The following PRMT1 variants were observed in gnomAD, a reference collection of about 807,000 sequenced individuals.
The protein encoded by PRMT1 is protein arginine N-methyltransferase 1.
A neutral mutation model predicts 47.4 loss-of-function variants in PRMT1; 5 were observed. The ratio of observed to expected loss-of-function variants is 0.11; its 90% CI spans 0.06 to 0.22. The LOEUF is 0.22. Ranked by LOEUF, PRMT1 falls within the 10% of genes least tolerant of loss-of-function variation. PRMT1 has a pLI of 1.00. For missense variants in PRMT1, 249 were observed against 518.4 expected (o/e 0.48, Z 5.05); for synonymous variants, 227 against 204.6 (o/e 1.11, Z -0.94).
Position 49,688,445 on chromosome 19 carries a change from G to T in PRMT1, c.*200G>T, listed in dbSNP as rs2082244675. ...CATTTACGCCAATAAATCCTCAGCTGGGGTCTGGCTTTGTTTCCTGGGGGC... is the reference window on the plus strand; with the variant it reads ...CATTTACGCCAATAAATCCTCAGCTTGGGTCTGGCTTTGTTTCCTGGGGGC... On this transcript the variant is annotated 3_prime_UTR_variant, in exon 11 of 11. Transcript: ENST00000454376. This position sits in a 1 kb window ranked among gnomAD's most constrained non-coding sequence, Gnocchi z 5.3. 1.6e-6 allele frequency: 1 copy of T among 611,418 alleles called. No homozygotes were observed. The highest frequency in any genetic ancestry group is 2.8e-5 in the Admixed American group (1 of 35,578). 37.9% of individuals were successfully genotyped at this position (611,418 alleles called of 1,614,324 possible). A position where few individuals can be genotyped will look rare whatever the true frequency, so the allele number is the denominator to read the frequency against.
At chr19:49,676,658 T>C (rs2082041748), upstream of PRMT1, among the ~76,000 whole-genome samples, 3 of 152,026 alleles carry the variant, frequency 2.0e-5, no homozygotes, top group African/African-American at 7.3e-5. Flanking sequence ...GAGCACAAGC[T>C]CCCTTTTTCC....
rs558433281 is a variant in PRMT1 at position 49,682,055 on chromosome 19, A to C, written c.338A>C (p.Lys113Thr). ...TTTGCTGCCAAGGCCGGGGCCCGCA[A>C]GGTCATCGGGGTGAGTCTCCAGGGT... ...CMFAAKAGAR[K>T]VIGIECSSIS... is the part of the protein sequence containing the mutation. The change falls in exon 4 of 11, where the codon AAG (lysine) becomes ACG (threonine). Residue 113 changes from lysine (K) to threonine (T), a missense_variant. Lys to Thr is a moderately conservative substitution (Grantham distance 78). Transcript: ENST00000454376. 1 of 1,613,962 alleles carries C rather than the reference A, an allele frequency of 6.2e-7. No individual in the cohort carries two copies. Among genetic ancestry groups the C allele is most frequent in the Non-Finnish European group, 8.5e-7 (1 of 1,180,016 alleles).
chr19:49,683,882 G>C (rs1350034470), intron 5 of PRMT1, 45 bp from the exon 6 acceptor site: 1 of 1,584,088 alleles, frequency 6.3e-7, no homozygotes, highest in Admixed American at 1.8e-5. Context: ...GAGGTGAGGG[G>C]CAGGCCTCCC....
intron 1 of PRMT1, chr19:49,677,537 C>G (rs1448583606): frequency 1.2e-5 from 5 of 403,536 alleles, no homozygotes; most frequent in Admixed American, 4.5e-5. Flanking sequence ...TCTTATCCCC[C>G]CTCCCACGTG....
intron 1 of PRMT1, chr19:49,679,499 C>A (rs2082083507): frequency 1.9e-6 from 1 of 527,250 alleles, no homozygotes; most frequent in Non-Finnish European, 3.7e-6. Flanking sequence ...GTGTGTGTGT[C>A]AGGAAGTGTC....
chr19:49,686,270 G>T, intron 9 of PRMT1, 27 bp downstream of exon 9: 1 of 1,566,452 alleles, frequency 6.4e-7, no homozygotes, highest in Non-Finnish European at 8.6e-7. Context: ...AGGGCTGGGG[G>T]CCGTTCCCGA....
Position 49,680,667 on chromosome 19 carries a change from G to T in PRMT1, c.192+79G>T. ...GAAGGGGTGGAACCTGTTTTCCCACGCATGCGCACTGCTTCCCCTGGCCGC... is the reference window on the plus strand; with the variant it reads ...GAAGGGGTGGAACCTGTTTTCCCACTCATGCGCACTGCTTCCCCTGGCCGC... On this transcript the variant is annotated intron_variant, in intron 3 of 10. Coordinates refer to ENST00000454376, the MANE Select transcript of PRMT1 (RefSeq NM_001536.6). This position sits in a 1 kb window ranked among gnomAD's most constrained non-coding sequence, Gnocchi z 4.2. The T allele has an allele frequency of 8.6e-6, 10 of 1,160,020 alleles. No homozygotes were observed. The highest frequency in any genetic ancestry group is 1.0e-5 in the Non-Finnish European group (8 of 779,808). The allele number at this position is 1,160,020 out of a possible 1,614,324, so 71.9% of individuals were successfully genotyped here.
In PRMT1 at chr19:49,684,153, A is replaced by G; in HGVS notation, c.555+84A>G. ...AAACCACGCTCAATTTTTCCCACAG[A>G]CGGGACTTACTGTGGGGGCTTAGCT... On this transcript the variant is annotated intron_variant, in intron 6 of 10. Coordinates refer to ENST00000454376, the MANE Select transcript of PRMT1 (RefSeq NM_001536.6). This position sits in a 1 kb window ranked among gnomAD's most constrained non-coding sequence, Gnocchi z 6.2. 2 of 1,551,386 alleles carry G rather than the reference A, an allele frequency of 1.3e-6. No homozygotes were observed. The highest frequency in any genetic ancestry group is 1.8e-6 in the Non-Finnish European group (2 of 1,134,514).
upstream of PRMT1, among the ~76,000 whole-genome samples, chr19:49,676,642 G>C (rs1438352022): frequency 6.6e-6 from 1 of 152,198 alleles, no homozygotes; most frequent in Non-Finnish European, 1.5e-5. Context: ...TTTTCCCCCA[G>C]GTAATGAGCA....
upstream of PRMT1, chr19:49,677,106 A>T: frequency 2.0e-6 from 1 of 498,782 alleles, no homozygotes; most frequent in South Asian, 7.8e-5. Flanking sequence ...TGATGGACGT[A>T]TTCTCTAGCC....
upstream of PRMT1, among the ~76,000 whole-genome samples, chr19:49,676,769 C>A (rs1182379346): frequency 2.0e-5 from 3 of 152,200 alleles, no homozygotes; most frequent in Middle Eastern, 6.3e-3. Flanking sequence ...TCTTCCCTAC[C>A]CGTGGGCCAA....
In PRMT1 at chr19:49,679,912, C is replaced by G; in HGVS notation, c.77C>G (p.Pro26Arg). 5 of 1,612,682 alleles carry G rather than the reference C, an allele frequency of 3.1e-6. No homozygotes were observed. The highest frequency in any genetic ancestry group is 4.2e-6 in the Non-Finnish European group (5 of 1,179,060). Reference sequence around the variant, plus strand: ...TTGGCTAATGGGATGAGCCTCCAGCCGCCTCTTGAAGAAGTAAATATCCTT... The same window carrying G: ...TTGGCTAATGGGATGAGCCTCCAGCGGCCTCTTGAAGAAGTAAATATCCTT... ...ATLANGMSLQ[P>R]PLEEVSCGQA... The change falls in exon 2 of 11, where the codon CCG (proline) becomes CGG (arginine). Residue 26 changes from proline (P) to arginine (R), a missense_variant. By Grantham distance (103) the Pro-to-Arg change is moderately radical. This residue lies in a region of PRMT1 where 59 missense variants were observed against 61.7 expected (regional missense o/e 0.96). Transcript: ENST00000454376.
Position 49,688,012 on chromosome 19 carries a change from G to C in PRMT1, c.1033-150G>C. 1.4e-6 allele frequency: 1 copy of C among 738,040 alleles called. No individual in the cohort carries two copies. Among genetic ancestry groups the C allele is most frequent in the South Asian group, 1.6e-5 (1 of 64,208 alleles). The allele number at this position is 738,040 out of a possible 1,614,324, so 45.7% of individuals were successfully genotyped here. A position where few individuals can be genotyped will look rare whatever the true frequency, so the allele number is the denominator to read the frequency against. ...GCTGTCCCTTGGCAGGGTCAGGGCA[G>C]CTGCTAGGGTGGGACCAGCAGTTGG... On this transcript the variant is annotated intron_variant, in intron 10 of 10. Transcript: ENST00000454376. The surrounding 1 kb of genome is among the most constrained non-coding windows in gnomAD (Gnocchi z 5.3).
rs1376397247 is a variant in PRMT1 at position 49,682,065 on chromosome 19, G to A, written c.348G>A (p.Gly116=). The part of the protein sequence containing the change: ...AAKAGARKVI[G]IECSSISDYA... ...AGGCCGGGGCCCGCAAGGTCATCGG[G>A]GTGAGTCTCCAGGGTGGCCAGGCGG... The change falls in exon 4 of 11, where the codon GGG becomes GGA. Residue 116 remains glycine, a splice_region_variant and synonymous_variant. Coordinates refer to ENST00000454376, the MANE Select transcript of PRMT1 (RefSeq NM_001536.6). 1.9e-6 allele frequency: 3 copies of A among 1,614,010 alleles called. No homozygotes were observed. Among genetic ancestry groups the A allele is most frequent in the Non-Finnish European group, 2.5e-6 (3 of 1,180,026 alleles).
rs532966528 is a variant in PRMT1, at chr19:49,679,187, A to G, written c.37-685A>G. On this transcript the variant is annotated intron_variant, in intron 1 of 10. Coordinates refer to ENST00000454376, the MANE Select transcript of PRMT1 (RefSeq NM_001536.6). ...GTGTGAGCCACCGTGCCCCCAAGCC[A>G]CTTTCTGGAGTCCTCTCATTCTTAG... is the stretch of plus-strand genomic sequence containing the variant. 1.2e-4 allele frequency among the ~76,000 whole-genome samples: 19 copies of G among 152,184 alleles called. No homozygotes were observed. In the East Asian group the frequency reaches 3.7e-3, roughly 29 times the overall value.
chr19:49,685,658 G>T lies in PRMT1; in HGVS notation c.760-435G>T. On this transcript the variant is annotated intron_variant, in intron 8 of 10. Transcript: ENST00000454376. This position sits in a 1 kb window ranked among gnomAD's most constrained non-coding sequence, Gnocchi z 4.7. Reference sequence around the variant, plus strand: ...GGGAGGAGTAAGTTGTTGAGTGGGGGAGGAGAGGAGACTACAGGGGCAGGG... The same window carrying T: ...GGGAGGAGTAAGTTGTTGAGTGGGGTAGGAGAGGAGACTACAGGGGCAGGG... The T allele has an allele frequency of 9.7e-7, 1 of 1,026,926 alleles. No homozygotes were observed. Among genetic ancestry groups the T allele is most frequent in the Non-Finnish European group, 1.2e-6 (1 of 855,324 alleles). 63.6% of individuals were successfully genotyped at this position (1,026,926 alleles called of 1,614,324 possible).
chr19:49,679,945 A>G lies in PRMT1; in HGVS notation c.90+20A>G, dbSNP rs2082091039. The G allele has an allele frequency of 6.3e-7, 1 of 1,596,678 alleles. No homozygotes were observed. The highest frequency in any genetic ancestry group is 8.6e-7 in the Non-Finnish European group (1 of 1,167,060). On this transcript the variant is annotated intron_variant, in intron 2 of 10. Coordinates refer to ENST00000454376, the MANE Select transcript of PRMT1 (RefSeq NM_001536.6). ...GAAGAAGTAAATATCCTTTTGTGAG[A>G]CCCCTCCCCACCCTGACCTCCACAT...
Position 49,682,228 on chromosome 19 carries a change from G to A in PRMT1, c.381G>A (p.Val127=). The A allele has an allele frequency of 1.2e-6, 2 of 1,613,852 alleles. No homozygotes were observed. Among genetic ancestry groups the A allele is most frequent in the Non-Finnish European group, 1.7e-6 (2 of 1,180,030 alleles). Residue 127 remains valine (V), a synonymous_variant, in exon 5 of 11, where the codon GTG becomes GTA. Coordinates refer to ENST00000454376, the MANE Select transcript of PRMT1 (RefSeq NM_001536.6). ...IECSSISDYA[V]KIVKANKLDH... Reference sequence around the variant, plus strand: ...GTTCCAGTATCTCTGATTATGCGGTGAAGATCGTCAAAGCCAACAAGTTAG... The same window carrying A: ...GTTCCAGTATCTCTGATTATGCGGTAAAGATCGTCAAAGCCAACAAGTTAG...
rs765555105 is a variant in PRMT1 at position 49,680,148 on chromosome 19, G to T, written c.90+223G>T. 6.8e-7 allele frequency: 1 copy of T among 1,470,316 alleles called. No individual in the cohort carries two copies. The highest frequency in any genetic ancestry group is 9.4e-7 in the Non-Finnish European group (1 of 1,068,928). 91.1% of individuals were successfully genotyped at this position (1,470,316 alleles called of 1,614,324 possible). The stretch of plus-strand genomic sequence containing the variant: ...TTAACTCCACCTCCAACCCCCCTTT[G>T]CCCTTCCCTGTGTCTGCCCCCATTT... On this transcript the variant is annotated intron_variant, in intron 2 of 10. Coordinates refer to ENST00000454376, the MANE Select transcript of PRMT1 (RefSeq NM_001536.6). This position sits in a 1 kb window ranked among gnomAD's most constrained non-coding sequence, Gnocchi z 4.2.
Sources: gnomAD v4.1 joint callset for allele counts (sites outside exome capture counted in the v4.1 genomes callset) on GRCh38, gnomAD v4.1.1 for gene constraint, gnomAD v4.1.1 regional missense constraint, Gnocchi (gnomAD v3.1) non-coding constraint, MANE v1.5 for transcripts, NCBI Gene and HGNC (gene_info 2026-07-23, HGNC 2026-07-21) for gene names.